Variants in TBC1D25 observed in about 807,000 individuals in gnomAD.
The protein encoded by TBC1D25 is 5SN3 snoRNA.
Under a neutral mutation model 38.8 loss-of-function variants are expected in TBC1D25, and 13 were observed. The observed-to-expected ratio is 0.34, with a 90% confidence interval of 0.22 to 0.53. TBC1D25 has a LOEUF of 0.53. Ranked by LOEUF, TBC1D25 falls within the 20% of genes least tolerant of loss-of-function variation. The pLI is 0.94. For synonymous variants in TBC1D25, 225 were observed against 255.6 expected (o/e 0.88, Z 1.14); for missense variants, 372 against 600.0 (o/e 0.62, Z 3.97).
Position 48,559,044 on chromosome X carries a change from G to A in TBC1D25, c.516+20G>A. ...ACTCAGGTGTTTTCAGGGACCCTAG[G>A]GACCCAGCTGTGGTTGGAGGGCAGA... On this transcript the variant is annotated intron_variant, in intron 4 of 5. Coordinates refer to ENST00000376771, the MANE Select transcript of TBC1D25 (RefSeq NM_002536.4). 8.3e-7 allele frequency: 1 copy of A among 1,209,658 alleles called. No homozygotes were observed.
rs1363752994 is a variant in TBC1D25 at position 48,550,764 on chromosome X, A to G, written c.388+5741A>G. On this transcript the variant is annotated intron_variant, in intron 3 of 5. Transcript: ENST00000376771. ...AAGCTCCACCTCCTGGGTTCACGCC[A>G]TTCTCCTGCCTCAGTCTCCCAAGTA... 2.7e-5 allele frequency among the ~76,000 whole-genome samples: 3 copies of G among 109,391 alleles called. No homozygotes were observed. The East Asian group carries it at 8.6e-4, about 32-fold the overall frequency. 95.0% of individuals were successfully genotyped at this position (109,391 alleles called of 115,157 possible).
chrX:48,546,143 G>GTT (rs1556981609), intron 3 of TBC1D25, among the ~76,000 whole-genome samples: 1 of 104,292 alleles, frequency 9.6e-6, no homozygotes, highest in Non-Finnish European at 1.9e-5. Flanking sequence ...AACCCGAAAA[G>GTT]CAGAGGTTGC....
Position 48,561,135 on chromosome X carries a change from G to C in TBC1D25, c.*160G>C, listed in dbSNP as rs2062022911. 1.7e-6 allele frequency: 1 copy of C among 589,491 alleles called. No individual in the cohort carries two copies. 48.6% of individuals were successfully genotyped at this position (589,491 alleles called of 1,213,427 possible). A position where few individuals can be genotyped will look rare whatever the true frequency, so the allele number is the denominator to read the frequency against. Reference sequence around the variant, plus strand: ...GCCTAAGTATGTGGAGCTCTGCTTTGGCACTGCCCCGCAGAGGCCACGCCT... The same window carrying C: ...GCCTAAGTATGTGGAGCTCTGCTTTCGCACTGCCCCGCAGAGGCCACGCCT... On this transcript the variant is annotated 3_prime_UTR_variant, in exon 6 of 6. Transcript: ENST00000376771.
chrX:48,555,905 A>G (rs1275313343), intron 3 of TBC1D25, among the ~76,000 whole-genome samples: 1 of 109,471 alleles, frequency 9.1e-6, no homozygotes, highest in African/African-American at 3.3e-5. Context: ...AAAGAGTAAC[A>G]GAGCAGTATT....
intron 3 of TBC1D25, among the ~76,000 whole-genome samples, chrX:48,549,974 A>G (rs1241361576): frequency 8.5e-5 from 9 of 105,353 alleles, no homozygotes; most frequent in African/African-American, 3.0e-4. Flanking sequence ...TTATGCCAGC[A>G]TCATTTTTTT....
chrX:48,540,074 GGCCTGAGA>G (rs1310152985), intron 1 of TBC1D25, 154 bp downstream of exon 1: 86 of 780,891 alleles, frequency 1.1e-4, no homozygotes, highest in Non-Finnish European at 1.2e-4. Context: ...GGGTAGGGAG[GGCCTGAGA>G]GCCTGAGAGC....
chrX:48,545,459 G>A (rs868981783), intron 3 of TBC1D25, among the ~76,000 whole-genome samples: 3 of 112,052 alleles, frequency 2.7e-5, no homozygotes, highest in Non-Finnish European at 3.8e-5. Context: ...ATAACAATGC[G>A]TATTATAATA....
At chrX:48,550,527 A>G (rs1556982944) in intron 3 of TBC1D25, among the ~76,000 whole-genome samples, 3 of 106,530 alleles carry the variant, frequency 2.8e-5, no homozygotes, top group African/African-American at 1.0e-4. Context: ...CCCAGGCTGG[A>G]GTGCAGTGGC....
Position 48,539,843 on chromosome X carries a change from C to A in TBC1D25, c.46C>A (p.Pro16Thr), listed in dbSNP as rs202134988. 1 of 969,756 alleles carries A rather than the reference C, an allele frequency of 1.0e-6. No homozygotes were observed. Among genetic ancestry groups the A allele is most frequent in the East Asian group, 4.1e-5 (1 of 24,155 alleles). 79.9% of individuals were successfully genotyped at this position (969,756 alleles called of 1,213,427 possible). A position where few individuals can be genotyped will look rare whatever the true frequency, so the allele number is the denominator to read the frequency against. The part of the protein sequence containing the change: ...GASDLSGSGA[P>T]PPGVGAQAAA... ...CTCGGACTTGTCTGGCTCCGGAGCG[C>A]CCCCGCCCGGTGTGGGAGCTCAGGC... The change falls in exon 1 of 6, where the codon CCC becomes ACC. Residue 16 changes from proline to threonine, a missense_variant. Transcript: ENST00000376771.
In TBC1D25 at chrX:48,561,105, C is replaced by G. The variant is rs1362915497; in HGVS notation, c.*130C>G. 13 of 778,151 alleles carry G rather than the reference C, an allele frequency of 1.7e-5. No homozygotes were observed. The highest frequency in any genetic ancestry group is 2.1e-5 in the Non-Finnish European group (12 of 562,552). 64.1% of individuals were successfully genotyped at this position (778,151 alleles called of 1,213,427 possible). On this transcript the variant is annotated 3_prime_UTR_variant, in exon 6 of 6. Coordinates refer to ENST00000376771, the MANE Select transcript of TBC1D25 (RefSeq NM_002536.4). ...TTGTTGGAGCATAGAGCCCTTCCTC[C>G]CCAGGCCTAAGTATGTGGAGCTCTG...
intron 3 of TBC1D25, among the ~76,000 whole-genome samples, chrX:48,552,101 G>A (rs1556983429): frequency 1.8e-5 from 2 of 111,532 alleles, no homozygotes; most frequent in African/African-American, 6.5e-5. Flanking sequence ...ACCTTTTTGT[G>A]TCACCTAGTT....
Position 48,559,336 on chromosome X carries a change from C to T in TBC1D25, c.695C>T (p.Ser232Leu). 8.3e-7 allele frequency: 1 copy of T among 1,207,495 alleles called. No individual in the cohort carries two copies. The highest frequency in any genetic ancestry group is 1.1e-6 in the Non-Finnish European group (1 of 893,380). ...LRIYHGGVEP[S>L]LRKVVWRYLL... is the part of the protein sequence containing the mutation. ...ATCTATCATGGCGGTGTGGAGCCCTCGCTGCGAAAGGTGAGCATCCTCAGT... is the reference window on the plus strand; with the variant it reads ...ATCTATCATGGCGGTGTGGAGCCCTTGCTGCGAAAGGTGAGCATCCTCAGT... Residue 232 changes from serine to leucine, a missense_variant, in exon 5 of 6, where the codon TCG becomes TTG. Physicochemically the swap from Ser to Leu is moderately radical, Grantham distance 145 (BLOSUM62 -2). This residue lies in a region of TBC1D25 where 312 missense variants were observed against 549.3 expected (regional missense o/e 0.57). Transcript: ENST00000376771.
In TBC1D25 at chrX:48,540,628, G is replaced by T. The variant is rs186688569; in HGVS notation, c.124-705G>T. The stretch of plus-strand genomic sequence containing the variant: ...GAAGAGTGGTAGGAGGTGAATCAGA[G>T]CGCTAAGACAGAGACAGATCGCCAA... On this transcript the variant is annotated intron_variant, in intron 1 of 5. Transcript: ENST00000376771. Among the ~76,000 whole-genome samples the T allele has an allele frequency of 5.4e-3, 602 of 111,695 alleles. 10 individuals are homozygous for T. Among genetic ancestry groups the T allele is most frequent in the Admixed American group, 0.051 (531 of 10,448 alleles).
At chrX:48,553,822 A>G (rs1238524138) in intron 3 of TBC1D25, among the ~76,000 whole-genome samples, 1 of 107,370 alleles carries the variant, frequency 9.3e-6, no homozygotes, top group Non-Finnish European at 1.9e-5. Context: ...GGGTTTTATC[A>G]TGTTCAGCCC....
chrX:48,549,908 TTC>T (rs782214677), intron 3 of TBC1D25, among the ~76,000 whole-genome samples: 1 of 112,707 alleles, frequency 8.9e-6, no homozygotes, highest in African/African-American at 3.2e-5. Context: ...TATAAATCTT[TTC>T]TCTGTCAGCA....
chrX:48,543,761 G>A (rs1367676152), intron 2 of TBC1D25, among the ~76,000 whole-genome samples: 4 of 107,664 alleles, frequency 3.7e-5, no homozygotes, highest in Admixed American at 3.0e-4. Flanking sequence ...GTGGGCGCCT[G>A]TAGTCCCAGC....
chrX:48,542,461 C>T (rs2061848331), intron 2 of TBC1D25, among the ~76,000 whole-genome samples: 1 of 107,829 alleles, frequency 9.3e-6, no homozygotes, highest in Non-Finnish European at 1.9e-5. Context: ...AGCCCCCGCA[C>T]CCAGTCCCAG....
chrX:48,544,824 C>T, intron 2 of TBC1D25, 45 bp from the exon 3 acceptor site: 1 of 1,200,030 alleles, frequency 8.3e-7, no homozygotes, highest in Non-Finnish European at 1.1e-6. Flanking sequence ...CTGAGGCCTC[C>T]AGGGCACCAG....
chrX:48,558,989 G>A lies in TBC1D25; in HGVS notation c.481G>A (p.Ala161Thr). The A allele has an allele frequency of 1.7e-6, 2 of 1,211,686 alleles. No homozygotes were observed. Among genetic ancestry groups the A allele is most frequent in the Non-Finnish European group, 2.2e-6 (2 of 895,532 alleles). ...TGAGAAACGGTCATCACTGACGACT[G>A]CCGCCCTGCCCTTTACACAGTCCAT... ...LAEKRSSLTT[A>T]ALPFTQSILT... The change falls in exon 4 of 6, where the codon GCC (alanine) becomes ACC (threonine). Residue 161 changes from alanine to threonine, a missense_variant. Coordinates refer to ENST00000376771, the MANE Select transcript of TBC1D25 (RefSeq NM_002536.4).
Sources: gnomAD v4.1 joint callset for allele counts (sites outside exome capture counted in the v4.1 genomes callset) on GRCh38, gnomAD v4.1.1 for gene constraint, gnomAD v4.1.1 regional missense constraint, MANE v1.5 for transcripts, NCBI Gene and HGNC (gene_info 2026-07-23, HGNC 2026-07-21) for gene names.